Variants in NPAS3 observed in about 807,000 individuals in gnomAD.
NPAS3 encodes neuronal PAS domain-containing protein 3.
A neutral mutation model predicts 73.1 loss-of-function variants in NPAS3; 14 were observed. That is an observed-to-expected ratio of 0.19 (90% CI 0.13 to 0.30). The LOEUF (loss-of-function observed/expected upper bound fraction) is 0.30, where lower values mean the gene tolerates loss of function less well. Ranked by LOEUF, NPAS3 falls within the 10% of genes least tolerant of loss-of-function variation. The pLI is 1.00. For missense variants in NPAS3, 1,096 were observed against 1,250.0 expected (o/e 0.88, Z 1.86); for synonymous variants, 620 against 541.5 (o/e 1.14, Z -2.01).
intron 1 of NPAS3, among the ~76,000 whole-genome samples, chr14:33,011,951 C>T (rs1278551412): frequency 6.6e-6 from 1 of 151,976 alleles, no homozygotes; most frequent in Non-Finnish European, 1.5e-5. Context: ...TCTTTTCTTT[C>T]TTTTTTCTTC....
intron 7 of NPAS3, among the ~76,000 whole-genome samples, chr14:33,744,081 C>T (rs1400716603): frequency 1.3e-5 from 2 of 152,184 alleles, no homozygotes; most frequent in Non-Finnish European, 2.9e-5. Flanking sequence ...TAGAGTAGCA[C>T]TTTTATTTTC....
chr14:33,570,105 A>C (rs2056142411), intron 5 of NPAS3, among the ~76,000 whole-genome samples: 1 of 152,238 alleles, frequency 6.6e-6, no homozygotes, highest in East Asian at 1.9e-4. Context: ...AATCTACAAA[A>C]TCAAAAGGGA....
chr14:33,612,319 C>A, intron 5 of NPAS3: 1 of 442,658 alleles, frequency 2.3e-6, no homozygotes, highest in Admixed American at 2.4e-5. Context: ...AGTGTTTCAA[C>A]ACATCCAGCT....
chr14:33,407,669 C>T (rs1007857350), intron 4 of NPAS3, among the ~76,000 whole-genome samples: 4 of 151,988 alleles, frequency 2.6e-5, no homozygotes, highest in Non-Finnish European at 4.4e-5. Flanking sequence ...AATTTCGGTG[C>T]CTTTATTTTT....
intron 3 of NPAS3, among the ~76,000 whole-genome samples, chr14:33,234,096 G>GT (rs1401595377): frequency 2.0e-5 from 3 of 152,086 alleles, no homozygotes; most frequent in Admixed American, 6.6e-5. Context: ...GTCCTTGAAA[G>GT]TTATAAAAAC....
intron 2 of NPAS3, among the ~76,000 whole-genome samples, chr14:33,060,689 A>G (rs2041066331): frequency 6.6e-6 from 1 of 152,216 alleles, no homozygotes; most frequent in Non-Finnish European, 1.5e-5. Flanking sequence ...CCTGTGCCTC[A>G]TCGGCACAGA....
At chr14:33,644,443 CCA>C in intron 5 of NPAS3, among the ~76,000 whole-genome samples, 1 of 152,294 alleles carries the variant, frequency 6.6e-6, no homozygotes, top group South Asian at 2.1e-4. Context: ...ATTTGGCCAG[CCA>C]TTGGGTATGA....
intron 2 of NPAS3, among the ~76,000 whole-genome samples, chr14:33,122,354 A>C (rs2043261483): frequency 6.6e-6 from 1 of 152,148 alleles, no homozygotes; most frequent in African/African-American, 2.4e-5. Flanking sequence ...TCTCCAGAAG[A>C]GGGAAACTTT....
At chr14:33,697,654 C>T (rs927159201) in intron 6 of NPAS3, among the ~76,000 whole-genome samples, 1 of 152,152 alleles carries the variant, frequency 6.6e-6, no homozygotes, top group Admixed American at 6.5e-5. Flanking sequence ...ACCTGATACC[C>T]AAGATGACTG....
At chr14:33,573,486 C>G (rs774964904) in intron 5 of NPAS3, among the ~76,000 whole-genome samples, 2 of 152,204 alleles carry the variant, frequency 1.3e-5, no homozygotes, top group Non-Finnish European at 2.9e-5. Flanking sequence ...GGATGACTAA[C>G]TCTACCTGGA....
At chr14:33,773,676 C>A (rs1426891903) in intron 7 of NPAS3, among the ~76,000 whole-genome samples, 2 of 152,156 alleles carry the variant, frequency 1.3e-5, no homozygotes, top group Non-Finnish European at 2.9e-5. Context: ...TAAGATGGTT[C>A]AAGTCTTCCT....
At chr14:33,363,115 T>C (rs1476783287) in intron 3 of NPAS3, among the ~76,000 whole-genome samples, 4 of 152,176 alleles carry the variant, frequency 2.6e-5, no homozygotes, top group African/African-American at 9.7e-5. Flanking sequence ...GGTTCTTCCA[T>C]GGCAAGCTGA....
intron 2 of NPAS3, among the ~76,000 whole-genome samples, chr14:33,116,117 CT>C (rs750057872): frequency 3.3e-5 from 5 of 151,940 alleles, no homozygotes; most frequent in Non-Finnish European, 7.4e-5. Context: ...CTTTTAGTGG[CT>C]TTTTGGAGGA....
intron 2 of NPAS3, among the ~76,000 whole-genome samples, chr14:33,133,151 T>C (rs2043702414): frequency 6.6e-6 from 1 of 152,174 alleles, no homozygotes; most frequent in Non-Finnish European, 1.5e-5. Flanking sequence ...ACTCATGTTA[T>C]CATCATATAA....
chr14:33,751,335 T>C (rs568135564), intron 7 of NPAS3, among the ~76,000 whole-genome samples: 1 of 152,332 alleles, frequency 6.6e-6, no homozygotes, highest in African/African-American at 2.4e-5. Flanking sequence ...ATTTTCTCCA[T>C]TCGTTTTTCC....
chr14:33,775,835 A>C (rs537099081), intron 8 of NPAS3, among the ~76,000 whole-genome samples: 1 of 152,372 alleles, frequency 6.6e-6, no homozygotes, highest in African/African-American at 2.4e-5. Flanking sequence ...GCAGTTCCTA[A>C]TAAAGATGGC....
At chr14:33,178,488 A>G (rs963858145) in intron 2 of NPAS3, among the ~76,000 whole-genome samples, 3 of 152,156 alleles carry the variant, frequency 2.0e-5, no homozygotes, top group Admixed American at 2.0e-4. Context: ...ATTTCTCAGG[A>G]ATTTGAATTT....
chr14:33,295,865 A>G (rs2042276663), intron 3 of NPAS3, among the ~76,000 whole-genome samples: 1 of 152,216 alleles, frequency 6.6e-6, no homozygotes, highest in Non-Finnish European at 1.5e-5. Context: ...GTCAGAATAC[A>G]ATGGGATGGA....
At chr14:33,484,787 C>G (rs902319502) in intron 4 of NPAS3, among the ~76,000 whole-genome samples, 2 of 152,142 alleles carry the variant, frequency 1.3e-5, no homozygotes, top group African/African-American at 4.8e-5. Flanking sequence ...CTGGCACATG[C>G]ATGTCACTGA....
Sources: allele counts gnomAD v4.1 joint callset (sites outside exome capture counted in the v4.1 genomes callset), GRCh38; gene constraint gnomAD v4.1.1; transcripts MANE v1.5; gene names NCBI Gene and HGNC (gene_info 2026-07-23, HGNC 2026-07-21).